ZNF254: variants seen among roughly 807,000 people sequenced by gnomAD.
ZNF254 encodes CTD-2017D11.1.
Under a neutral mutation model 12.4 loss-of-function variants are expected in ZNF254, and 10 were observed. That is an observed-to-expected ratio of 0.80 (90% CI 0.50 to 1.36). The LOEUF (loss-of-function observed/expected upper bound fraction) is 1.36, where lower values mean the gene tolerates loss of function less well. Among genes scored for constraint, ZNF254 ranks in the 40% most tolerant of loss-of-function variants. The probability of loss-of-function intolerance (pLI) is 0.00; values close to 1 mark genes in which losing one functional copy is unlikely to be tolerated. For missense variants in ZNF254, 996 were observed against 763.9 expected (o/e 1.30, Z -3.58); for synonymous variants, 305 against 253.4 (o/e 1.20, Z -1.93).
At chr19:24,082,156 T>C (rs2145584155) in intron 2 of ZNF254, among the ~76,000 whole-genome samples, 1 of 151,586 alleles carries the variant, frequency 6.6e-6, no homozygotes, top group Non-Finnish European at 1.5e-5. Context: ...ATATCGAGTC[T>C]CGCAAAATAT....
chr19:24,082,994 C>T (rs1971904933), upstream of ZNF254, among the ~76,000 whole-genome samples: 2 of 152,064 alleles, frequency 1.3e-5, no homozygotes, highest in African/African-American at 4.8e-5. Flanking sequence ...AAATAAGTAG[C>T]GAGCCTCCAA....
intron 1 of ZNF254, among the ~76,000 whole-genome samples, chr19:24,036,401 A>G (rs1432418908): frequency 2.0e-5 from 3 of 152,124 alleles, no homozygotes; most frequent in Admixed American, 2.0e-4. Flanking sequence ...CTGTATCATT[A>G]TTTAACTTGA....
intron 2 of ZNF254, among the ~76,000 whole-genome samples, chr19:24,067,396 A>C (rs1385517492): frequency 6.6e-6 from 1 of 150,476 alleles, no homozygotes; most frequent in African/African-American, 2.5e-5. Flanking sequence ...AAATGACAGG[A>C]CTCTTTTTAT....
At chr19:24,122,494 A>C (rs1435883847) in intron 3 of ZNF254, among the ~76,000 whole-genome samples, 1 of 152,136 alleles carries the variant, frequency 6.6e-6, no homozygotes, top group Non-Finnish European at 1.5e-5. Context: ...CAAAGTGCTC[A>C]GATTACAGGT....
chr19:24,106,746 A>G, intron 3 of ZNF254, 103 bp downstream of exon 3: 3 of 1,089,968 alleles, frequency 2.8e-6, no homozygotes, highest in Non-Finnish European at 3.8e-6. Flanking sequence ...CAAAGGAAAT[A>G]GTTTCTGGGA....
chr19:24,039,546 T>G (rs1380378179), intron 1 of ZNF254, among the ~76,000 whole-genome samples: 4 of 152,160 alleles, frequency 2.6e-5, no homozygotes, highest in Non-Finnish European at 4.4e-5. Context: ...TGCCTCAGCC[T>G]CCCAAGTAGC....
chr19:24,089,937 T>C (rs909674388), intron 1 of ZNF254, among the ~76,000 whole-genome samples: 3 of 149,890 alleles, frequency 2.0e-5, no homozygotes, highest in African/African-American at 7.4e-5. Context: ...ATGCCTGTAA[T>C]CCCTACACTT....
intron 2 of ZNF254, among the ~76,000 whole-genome samples, chr19:24,057,394 C>T (rs879415536): frequency 6.6e-6 from 1 of 152,124 alleles, no homozygotes; most frequent in Admixed American, 6.6e-5. Context: ...TGGACCCAGT[C>T]ATTATAGAGG....
intron 2 of ZNF254, among the ~76,000 whole-genome samples, chr19:24,051,858 G>C (rs1421976243): frequency 6.6e-6 from 1 of 152,030 alleles, no homozygotes; most frequent in Admixed American, 6.5e-5. Flanking sequence ...CTGCGAACTG[G>C]GGTGTTTTTT....
Position 24,055,232 on chromosome 19 carries a change from A to AAAAAAAAAAAAAAAAAAAAAAG in ZNF254, c.-94+8953_-94+8954insAAAAAAAAAAAAAAAAAAAAAG, listed in dbSNP as rs1555753129. 2.8e-4 allele frequency among the ~76,000 whole-genome samples: 34 copies of AAAAAAAAAAAAAAAAAAAAAAG among 122,632 alleles called. 2 individuals are homozygous for AAAAAAAAAAAAAAAAAAAAAAG. The highest frequency in any genetic ancestry group is 4.1e-4 in the Non-Finnish European group (23 of 55,430). The allele number at this position is 122,632 out of a possible 152,430, so 80.5% of individuals were successfully genotyped here. A position where few individuals can be genotyped will look rare whatever the true frequency, so the allele number is the denominator to read the frequency against. ...AAAAAAAAAAAAAAAAAAAAAAAAA[A>AAAAAAAAAAAAAAAAAAAAAAG]GAGTGTACTAACAAGACCCAGCACA... is the stretch of plus-strand genomic sequence containing the variant. On this transcript the variant is annotated intron_variant, in intron 2 of 4. Coordinates refer to the ZNF254 transcript ENST00000613065.
chr19:24,097,363 C>T (rs1972733417), intron 1 of ZNF254, among the ~76,000 whole-genome samples: 1 of 151,988 alleles, frequency 6.6e-6, no homozygotes, highest in Non-Finnish European at 1.5e-5. Flanking sequence ...CCTGATTATC[C>T]ATGGTGATCG....
At chr19:24,097,092 T>C (rs1231504514) in intron 1 of ZNF254, among the ~76,000 whole-genome samples, 2 of 152,016 alleles carry the variant, frequency 1.3e-5, no homozygotes, top group East Asian at 1.9e-4. Context: ...TTGAGATATA[T>C]GTAAATCATA....
chr19:24,082,919 C>T (rs73021422), upstream of ZNF254, among the ~76,000 whole-genome samples: 22,788 of 151,892 alleles, frequency 0.15, 1,748 homozygotes, highest in Middle Eastern at 0.17. Flanking sequence ...GACAATAGTG[C>T]CCATTTTCAT....
intron 1 of ZNF254, among the ~76,000 whole-genome samples, chr19:24,035,843 G>A (rs903939269): frequency 5.9e-5 from 9 of 152,152 alleles, no homozygotes; most frequent in African/African-American, 1.9e-4. Flanking sequence ...ACAGTCTGTG[G>A]CTTCATAATA....
At chr19:24,049,201 TATATATATATATA>T (rs1283827392) in intron 2 of ZNF254, among the ~76,000 whole-genome samples, 14 of 67,450 alleles carry the variant, frequency 2.1e-4, no homozygotes, top group African/African-American at 6.5e-4. Flanking sequence ...TATATATATA[TATATATATATATA>T]TTTTTTTTTT....
At position 24,046,373 on chromosome 19, in the gene ZNF254, T is replaced by TTTTATATATATATATATA. The variant is rs1555750840; in HGVS notation, c.-94+95_-94+96insTTATATATATATATATAT. On this transcript the variant is annotated intron_variant, in intron 2 of 4. Transcript: ENST00000613065. ...TTGTCTTCCATTATTTTATTATTTT[T>TTTTATATATATATATATA]TATATATATATATATATATATATAT... 8 of 95,492 alleles carry TTTTATATATATATATATA rather than the reference T, an allele frequency of 8.4e-5. 1 individual carries two copies. In the South Asian group the frequency reaches 1.7e-3, roughly 20 times the overall value. 5.9% of individuals were successfully genotyped at this position (95,492 alleles called of 1,614,324 possible). A position where few individuals can be genotyped will look rare whatever the true frequency, so the allele number is the denominator to read the frequency against.
intron 2 of ZNF254, among the ~76,000 whole-genome samples, chr19:24,047,557 C>CCAT (rs1396016022): frequency 1.3e-5 from 2 of 150,194 alleles, no homozygotes; most frequent in African/African-American, 4.9e-5. Flanking sequence ...GTTTGAGGCA[C>CCAT]CATGTTCTGC....
intron 2 of ZNF254, among the ~76,000 whole-genome samples, chr19:24,062,197 G>A (rs537557804): frequency 2.0e-5 from 3 of 152,160 alleles, no homozygotes; most frequent in Non-Finnish European, 2.9e-5. Flanking sequence ...CACTTGGATG[G>A]TACAGAGCAT....
chr19:24,119,601 G>A (rs961165784), intron 3 of ZNF254, among the ~76,000 whole-genome samples: 3 of 152,022 alleles, frequency 2.0e-5, no homozygotes, highest in African/African-American at 4.8e-5. Flanking sequence ...AAGATTCTCT[G>A]ATTGCAGCCT....
Sources: allele counts gnomAD v4.1 joint callset (sites outside exome capture counted in the v4.1 genomes callset), GRCh38; gene constraint gnomAD v4.1.1; transcripts MANE v1.5; gene names NCBI Gene and HGNC (gene_info 2026-07-23, HGNC 2026-07-21).